Variants in HIVEP3 observed in about 807,000 individuals in gnomAD.
HIVEP3 encodes the protein transcription factor HIVEP3.
Under a neutral mutation model 152.8 loss-of-function variants are expected in HIVEP3, and 49 were observed. The observed-to-expected ratio is 0.32, with a 90% confidence interval of 0.26 to 0.41. HIVEP3 has a LOEUF of 0.41. Ranked by LOEUF, HIVEP3 falls within the 10% of genes least tolerant of loss-of-function variation. The pLI, the probability that HIVEP3 is intolerant of heterozygous loss-of-function variation, is 1.00. For missense variants in HIVEP3, 2,790 were observed against 3,103.3 expected (o/e 0.90, Z 2.40); for synonymous variants, 1,269 against 1,289.0 (o/e 0.98, Z 0.33).
intron 1 of HIVEP3, among the ~76,000 whole-genome samples, chr1:41,729,865 T>C (rs1363170092): frequency 2.0e-5 from 3 of 152,170 alleles, no homozygotes; most frequent in African/African-American, 4.8e-5. Context: ...GGAAGTGTCA[T>C]GTGAGTTTCC....
intron 2 of HIVEP3, among the ~76,000 whole-genome samples, chr1:41,691,024 T>C (rs973745441): frequency 2.0e-5 from 3 of 152,238 alleles, no homozygotes; most frequent in African/African-American, 7.2e-5. Flanking sequence ...GGGCAAGTTA[T>C]CTGACCTCTC....
At chr1:41,742,715 A>C (rs1317868077) in intron 1 of HIVEP3, among the ~76,000 whole-genome samples, 1 of 152,184 alleles carries the variant, frequency 6.6e-6, no homozygotes, top group Non-Finnish European at 1.5e-5. Flanking sequence ...CTGGGTCAGC[A>C]TAAGGCTTTA....
At chr1:41,637,857 G>A (rs1645300761) in intron 2 of HIVEP3, among the ~76,000 whole-genome samples, 2 of 152,190 alleles carry the variant, frequency 1.3e-5, no homozygotes, top group South Asian at 4.1e-4. Flanking sequence ...CTGGGGCAGA[G>A]CAGAATGGGG....
chr1:42,002,754 G>C (rs1047164531), intron 1 of HIVEP3, among the ~76,000 whole-genome samples: 7 of 152,116 alleles, frequency 4.6e-5, no homozygotes, highest in African/African-American at 1.7e-4. Flanking sequence ...GCCCAAAAGG[G>C]AAACATCCAG....
intron 1 of HIVEP3, among the ~76,000 whole-genome samples, chr1:41,892,891 G>A (rs1035997447): frequency 3.3e-5 from 5 of 152,026 alleles, no homozygotes; most frequent in Admixed American, 6.6e-5. Flanking sequence ...AGGTTGAGGC[G>A]AGCAGATTGC....
At chr1:41,624,201 C>G (rs1039561507) in intron 3 of HIVEP3, among the ~76,000 whole-genome samples, 1 of 152,186 alleles carries the variant, frequency 6.6e-6, no homozygotes, top group African/African-American at 2.4e-5. Context: ...TCTCAGCATC[C>G]GTGGCCCCTC....
intron 1 of HIVEP3, among the ~76,000 whole-genome samples, chr1:41,827,241 T>C (rs1489536094): frequency 6.6e-6 from 1 of 152,170 alleles, no homozygotes; most frequent in Non-Finnish European, 1.5e-5. Flanking sequence ...TAAAATCGCC[T>C]TTTCCATAGT....
chr1:41,702,706 A>G (rs1205072275), intron 1 of HIVEP3, among the ~76,000 whole-genome samples: 2 of 152,212 alleles, frequency 1.3e-5, no homozygotes, highest in East Asian at 1.9e-4. Context: ...TTGAAAATTC[A>G]TTTCTGTCTC....
At chr1:41,722,732 T>C (rs1646696469) in intron 1 of HIVEP3, among the ~76,000 whole-genome samples, 1 of 152,040 alleles carries the variant, frequency 6.6e-6, no homozygotes, top group Non-Finnish European at 1.5e-5. Context: ...CATTCTGACA[T>C]GAGTCCAGGG....
chr1:41,640,782 T>G (rs1442221950), intron 2 of HIVEP3, among the ~76,000 whole-genome samples: 1 of 152,224 alleles, frequency 6.6e-6, no homozygotes, highest in African/African-American at 2.4e-5. Context: ...GTCATACTAA[T>G]GCTACGGTCA....
intron 1 of HIVEP3, among the ~76,000 whole-genome samples, chr1:41,970,318 A>C (rs1645221834): frequency 6.6e-6 from 1 of 152,264 alleles, no homozygotes; most frequent in Non-Finnish European, 1.5e-5. Flanking sequence ...CTAGATAAAG[A>C]AAATGTGGTG....
intron 1 of HIVEP3, among the ~76,000 whole-genome samples, chr1:41,851,877 A>G (rs1398394203): frequency 1.3e-5 from 2 of 152,158 alleles, no homozygotes; most frequent in African/African-American, 4.8e-5. Context: ...TTGGGAGGCA[A>G]TGAGGTGTAC....
At chr1:41,560,924 T>G (rs924358769) in intron 5 of HIVEP3, among the ~76,000 whole-genome samples, 1 of 152,200 alleles carries the variant, frequency 6.6e-6, no homozygotes, top group African/African-American at 2.4e-5. Flanking sequence ...ACGGCCACGG[T>G]CCTGCCCAAT....
At chr1:41,892,324 C>A (rs1046975229) in intron 1 of HIVEP3, among the ~76,000 whole-genome samples, 2 of 152,154 alleles carry the variant, frequency 1.3e-5, no homozygotes, top group Non-Finnish European at 2.9e-5. Flanking sequence ...AGAACTTGGT[C>A]AGAGACACTG....
chr1:41,743,960 C>T (rs1051709868), intron 1 of HIVEP3, among the ~76,000 whole-genome samples: 2 of 152,172 alleles, frequency 1.3e-5, no homozygotes, highest in Admixed American at 6.5e-5. Flanking sequence ...GTCAAAAATT[C>T]TTCCATCCTT....
intron 2 of HIVEP3, among the ~76,000 whole-genome samples, chr1:41,689,332 G>A (rs1302360184): frequency 2.0e-5 from 3 of 152,184 alleles, no homozygotes; most frequent in Non-Finnish European, 4.4e-5. Flanking sequence ...CAAACCACGA[G>A]GGAATAGGCG....
intron 1 of HIVEP3, among the ~76,000 whole-genome samples, chr1:41,793,384 G>A (rs1160245120): frequency 6.6e-6 from 1 of 152,142 alleles, no homozygotes; most frequent in African/African-American, 2.4e-5. Context: ...TCTTCTGCCT[G>A]CTTCTTGGAG....
intron 1 of HIVEP3, among the ~76,000 whole-genome samples, chr1:41,723,751 G>A (rs1324470716): frequency 2.0e-5 from 3 of 152,196 alleles, no homozygotes; most frequent in Admixed American, 2.0e-4. Context: ...ACTGCAAATT[G>A]GGAAGAGCTA....
intron 1 of HIVEP3, among the ~76,000 whole-genome samples, chr1:42,003,566 C>A (rs1192039621): frequency 6.6e-6 from 1 of 152,166 alleles, no homozygotes. Context: ...GACAAACCAC[C>A]TTGGGAGCAA....
Sources: gnomAD v4.1 joint callset for allele counts (sites outside exome capture counted in the v4.1 genomes callset) on GRCh38, gnomAD v4.1.1 for gene constraint, MANE v1.5 for transcripts, NCBI Gene and HGNC (gene_info 2026-07-23, HGNC 2026-07-21) for gene names.